Variants in CACNG6 observed in about 807,000 individuals in gnomAD.
CACNG6 encodes voltage-dependent calcium channel gamma-6 subunit.
A neutral mutation model predicts 23.9 loss-of-function variants in CACNG6; 21 were observed. That is an observed-to-expected ratio of 0.88 (90% CI 0.62 to 1.26). The LOEUF (loss-of-function observed/expected upper bound fraction) is 1.26. Among genes scored for constraint, CACNG6 ranks in the 50% most tolerant of loss-of-function variants. The pLI, the probability that CACNG6 is intolerant of heterozygous loss-of-function variation, is 0.00. For missense variants in CACNG6, 340 were observed against 352.9 expected (o/e 0.96, Z 0.29); for synonymous variants, 182 against 168.9 (o/e 1.08, Z -0.60).
chr19:53,994,047 C>A (rs1051473248), intron 1 of CACNG6, among the ~76,000 whole-genome samples: 3 of 151,818 alleles, frequency 2.0e-5, no homozygotes, highest in Non-Finnish European at 4.4e-5. Context: ...GGAGACAGCC[C>A]GTGCCCACTC....
At chr19:54,007,968 T>C (rs779837202) in intron 3 of CACNG6, among the ~76,000 whole-genome samples, 10 of 152,064 alleles carry the variant, frequency 6.6e-5, no homozygotes, top group Non-Finnish European at 1.0e-4. Flanking sequence ...TCTAAATGCT[T>C]TTCCACCTCC....
chr19:53,994,276 G>A (rs75785290), intron 1 of CACNG6, among the ~76,000 whole-genome samples: 4,347 of 152,170 alleles, frequency 0.029, 171 homozygotes, highest in African/African-American at 0.086. Flanking sequence ...GGCAGACCTT[G>A]TTCCTTCCCT....
intron 3 of CACNG6, among the ~76,000 whole-genome samples, chr19:54,005,289 G>A (rs1281527760): frequency 3.3e-5 from 5 of 151,182 alleles, no homozygotes; most frequent in Admixed American, 6.6e-5. Flanking sequence ...AACTGGGCGC[G>A]GTGGCTCACG....
At chr19:54,004,835 C>G (rs1025106690) in intron 3 of CACNG6, among the ~76,000 whole-genome samples, 3 of 152,170 alleles carry the variant, frequency 2.0e-5, no homozygotes, top group Non-Finnish European at 4.4e-5. Flanking sequence ...ATGTCACCAC[C>G]TCAGAGAGAC....
intron 3 of CACNG6, among the ~76,000 whole-genome samples, chr19:54,007,607 A>C (rs1279273083): frequency 2.0e-5 from 3 of 152,190 alleles, no homozygotes; most frequent in Non-Finnish European, 4.4e-5. Context: ...CAAAGAATGC[A>C]TGAATCAGGT....
In CACNG6 at chr19:53,993,092, GC is replaced by G. The variant is rs2069481640; in HGVS notation, c.216del (p.Ser73AlafsTer65). 6.5e-7 allele frequency: 1 copy of G among 1,545,714 alleles called. No homozygotes were observed. Among genetic ancestry groups the G allele is most frequent in the Admixed American group, 2.0e-5 (1 of 50,554 alleles). On this transcript the variant is annotated frameshift_variant, in exon 1 of 4. Transcript: ENST00000252729. LOFTEE classifies it high-confidence loss of function. ...GAGCTCAACACCTACAAGGCCAACGGCAGCGCCGTGTGCGAAGCGGCCCACC... is the reference window on the plus strand; with the variant it reads ...GAGCTCAACACCTACAAGGCCAACGGAGCGCCGTGTGCGAAGCGGCCCACC... The part of the protein sequence containing the change: ...WVELNTYKAN[G>X]SAVCEAAHLG...
chr19:53,991,608 G>A (rs1281313489), upstream of CACNG6, among the ~76,000 whole-genome samples: 25 of 139,354 alleles, frequency 1.8e-4, no homozygotes, highest in African/African-American at 5.3e-4. Flanking sequence ...GTGGGCGGGT[G>A]GGGACGAGGC....
chr19:53,998,607 G>A (rs113231073), intron 2 of CACNG6, among the ~76,000 whole-genome samples: 14,858 of 151,118 alleles, frequency 0.098, 1,033 homozygotes, highest in African/African-American at 0.19. Context: ...CGCCTCCCAG[G>A]TTCAAGCAAT....
chr19:54,004,334 TTTGTGTGTGTGTGTGTGTG>T (rs1450489906), intron 3 of CACNG6, among the ~76,000 whole-genome samples: 3,336 of 126,536 alleles, frequency 0.026, 69 homozygotes, highest in Middle Eastern at 0.047. Flanking sequence ...ATTTTGTATT[TTTGTGTGTGTGTGTGTGTG>T]TGTGTGTGTG....
At chr19:54,001,400 G>A (rs1172582699) in intron 3 of CACNG6, among the ~76,000 whole-genome samples, 1 of 151,962 alleles carries the variant, frequency 6.6e-6, no homozygotes, top group Admixed American at 6.6e-5. Context: ...TGTTGACCAG[G>A]CTGGTCTCCA....
chr19:53,999,890 A>G, intron 3 of CACNG6, 119 bp downstream of exon 3: 37 of 1,243,306 alleles, frequency 3.0e-5, no homozygotes, highest in Non-Finnish European at 4.0e-5. Context: ...TGGAATCTCT[A>G]TGCACTGTTG....
rs1383322630 is a variant in CACNG6 at position 53,992,867 on chromosome 19, C to T, written c.-11C>T. ...TGCCTCCTCCCCCTTCCCGACCCCA[C>T]CGGCCATAAGATGATGTGGTCCAAC... On this transcript the variant is annotated 5_prime_UTR_variant, in exon 1 of 4. Coordinates refer to ENST00000252729, the MANE Select transcript of CACNG6 (RefSeq NM_145814.2). This position sits in a 1 kb window ranked among gnomAD's most constrained non-coding sequence, Gnocchi z 4.1. The T allele has an allele frequency of 2.2e-5, 30 of 1,377,280 alleles. No homozygotes were observed. In the East Asian group the frequency reaches 8.1e-4, roughly 37 times the overall value. 85.3% of individuals were successfully genotyped at this position (1,377,280 alleles called of 1,614,324 possible). A position where few individuals can be genotyped will look rare whatever the true frequency, so the allele number is the denominator to read the frequency against.
Position 53,992,347 on chromosome 19 carries a change from C to T in CACNG6, c.-531C>T, listed in dbSNP as rs1380047518. On this transcript the variant is annotated 5_prime_UTR_variant, in exon 1 of 4. Transcript: ENST00000252729. This position sits in a 1 kb window ranked among gnomAD's most constrained non-coding sequence, Gnocchi z 4.1. Reference sequence around the variant, plus strand: ...GAACCCCGGCCACATCTCCTCCAAACACACACAGGACCTCAGGTCCCTTCC... The same window carrying T: ...GAACCCCGGCCACATCTCCTCCAAATACACACAGGACCTCAGGTCCCTTCC... 6.6e-6 allele frequency: 1 copy of T among 152,384 alleles called. No homozygotes were observed. Among genetic ancestry groups the T allele is most frequent in the Non-Finnish European group, 1.5e-5 (1 of 68,158 alleles). 9.4% of individuals were successfully genotyped at this position (152,384 alleles called of 1,614,324 possible). A position where few individuals can be genotyped will look rare whatever the true frequency, so the allele number is the denominator to read the frequency against.
At position 53,992,812 on chromosome 19, in the gene CACNG6, C is replaced by A; in HGVS notation, c.-66C>A. 1.7e-6 allele frequency: 2 copies of A among 1,187,008 alleles called. No homozygotes were observed. The highest frequency in any genetic ancestry group is 5.4e-5 in the South Asian group (2 of 37,092). 73.5% of individuals were successfully genotyped at this position (1,187,008 alleles called of 1,614,324 possible). A position where few individuals can be genotyped will look rare whatever the true frequency, so the allele number is the denominator to read the frequency against. On this transcript the variant is annotated 5_prime_UTR_variant, in exon 1 of 4. Transcript: ENST00000252729. This position sits in a 1 kb window ranked among gnomAD's most constrained non-coding sequence, Gnocchi z 4.1. Reference sequence around the variant, plus strand: ...CTTCAAGACCCCAGGCCGCTCCTCGCTCCCGCCCCTCGAGGCCCTTCGCCG... The same window carrying A: ...CTTCAAGACCCCAGGCCGCTCCTCGATCCCGCCCCTCGAGGCCCTTCGCCG...
At chr19:54,004,608 G>T (rs867487912) in intron 3 of CACNG6, among the ~76,000 whole-genome samples, 55 of 152,158 alleles carry the variant, frequency 3.6e-4, no homozygotes, top group Middle Eastern at 3.4e-3. Flanking sequence ...TAACATGGTG[G>T]CAAGGCCTCG....
intron 1 of CACNG6, among the ~76,000 whole-genome samples, chr19:53,994,794 G>A (rs1483655657): frequency 1.3e-5 from 2 of 152,110 alleles, no homozygotes; most frequent in Non-Finnish European, 2.9e-5. Flanking sequence ...CAGGCCCCCC[G>A]GCTGTCTGAG....
intron 3 of CACNG6, among the ~76,000 whole-genome samples, chr19:54,003,273 T>C (rs1348425847): frequency 1.3e-5 from 2 of 152,208 alleles, no homozygotes; most frequent in Non-Finnish European, 2.9e-5. Context: ...TTGAAAGTCC[T>C]GCTCCACGCT....
At chr19:54,011,400 C>T (rs1201359648) in intron 3 of CACNG6, among the ~76,000 whole-genome samples, 1 of 132,756 alleles carries the variant, frequency 7.5e-6, no homozygotes, top group Non-Finnish European at 1.6e-5. Context: ...CACTGCACTC[C>T]AGCCTGGGTG....
At chr19:53,991,222 A>G (rs902042136), upstream of CACNG6, among the ~76,000 whole-genome samples, 3 of 147,486 alleles carry the variant, frequency 2.0e-5, no homozygotes, top group African/African-American at 7.7e-5. Flanking sequence ...TTCCTCTACC[A>G]CTCAGAAGTG....
Sources: allele counts gnomAD v4.1 joint callset (sites outside exome capture counted in the v4.1 genomes callset), GRCh38; gene constraint gnomAD v4.1.1; non-coding constraint Gnocchi (gnomAD v3.1); transcripts MANE v1.5; gene names NCBI Gene and HGNC (gene_info 2026-07-23, HGNC 2026-07-21).